PCDH15: variants seen among roughly 807,000 people sequenced by gnomAD.
The protein encoded by PCDH15 is protocadherin related 15.
PCDH15 carries 129 observed loss-of-function variants against 178.5 expected under a neutral mutation model. The ratio of observed to expected loss-of-function variants is 0.72; its 90% CI spans 0.63 to 0.84. The LOEUF (loss-of-function observed/expected upper bound fraction) is 0.84, where lower values mean the gene tolerates loss of function less well. PCDH15 is among the 40% of genes least tolerant of loss of function. PCDH15 has a pLI of 0.00. For missense variants in PCDH15, 2,230 were observed against 2,099.9 expected, an observed-to-expected ratio of 1.06 and a Z score of -1.21; for synonymous variants, 800 against 732.0, an observed-to-expected ratio of 1.09 and a Z score of -1.50.
At chr10:55,580,220 A>G (rs1165445604) in intron 2 of PCDH15, among the ~76,000 whole-genome samples, 1 of 151,806 alleles carries the variant, frequency 6.6e-6, no homozygotes, top group Non-Finnish European at 1.5e-5. Context: ...TATATACTTC[A>G]TTTTCTTAAC....
intron 16 of PCDH15, among the ~76,000 whole-genome samples, chr10:54,089,756 T>C (rs1181057646): frequency 6.6e-6 from 1 of 152,172 alleles, no homozygotes; most frequent in African/African-American, 2.4e-5. Context: ...TCCAATGAAA[T>C]GTTTCCACCT....
chr10:54,345,179 T>G (rs2153821), intron 6 of PCDH15, among the ~76,000 whole-genome samples: 49,480 of 151,414 alleles, frequency 0.33, 9,153 homozygotes, highest in African/African-American at 0.51. Flanking sequence ...TTTAACTGAT[T>G]TGTGAGGATA....
chr10:55,418,122 C>G (rs1022137500), intron 2 of PCDH15, among the ~76,000 whole-genome samples: 1 of 151,532 alleles, frequency 6.6e-6, no homozygotes, highest in Non-Finnish European at 1.5e-5. Context: ...AATCATAGAA[C>G]AGTACATGGT....
Position 53,886,933 on chromosome 10 carries a change from C to T in PCDH15, c.3501+16310G>A, listed in dbSNP as rs1024284943. ...TTGCCCATTTTGGGCTCTTTATCAA[C>T]GCCCTATATTATAAAACATCAGCAA... is the stretch of plus-strand genomic sequence containing the variant. On this transcript the variant is annotated intron_variant, in intron 26 of 37. Transcript: ENST00000644397. Among the ~76,000 whole-genome samples the T allele has an allele frequency of 1.2e-4, 18 of 152,080 alleles. 1 individual carries two copies. The South Asian group carries it at 1.4e-3, about 12-fold the overall frequency.
At chr10:54,741,643 G>A (rs1174545402) in intron 1 of PCDH15, among the ~76,000 whole-genome samples, 1 of 152,156 alleles carries the variant, frequency 6.6e-6, no homozygotes, top group East Asian at 1.9e-4. Context: ...TGTTTTATCT[G>A]TAGGCTTGAG....
At chr10:55,139,203 A>T (rs1052309272) in intron 2 of PCDH15, among the ~76,000 whole-genome samples, 1 of 151,902 alleles carries the variant, frequency 6.6e-6, no homozygotes, top group Non-Finnish European at 1.5e-5. Flanking sequence ...GTCTTTATAT[A>T]TTTTAGATAA....
chr10:54,042,741 C>G (rs1052213653), intron 18 of PCDH15, among the ~76,000 whole-genome samples: 4 of 152,088 alleles, frequency 2.6e-5, no homozygotes, highest in Non-Finnish European at 1.5e-5. Context: ...TGAGCATCCA[C>G]TGAAATGTCT....
At chr10:55,621,187 A>T (rs776409946) in intron 2 of PCDH15, among the ~76,000 whole-genome samples, 2 of 152,204 alleles carry the variant, frequency 1.3e-5, no homozygotes, top group African/African-American at 4.8e-5. Flanking sequence ...AATTTAACTT[A>T]TATGTTTTAG....
At chr10:54,335,362 G>A (rs1021559638) in intron 6 of PCDH15, among the ~76,000 whole-genome samples, 1 of 152,128 alleles carries the variant, frequency 6.6e-6, no homozygotes, top group Non-Finnish European at 1.5e-5. Context: ...CAAAGTGGTC[G>A]CATACTCTGT....
intron 2 of PCDH15, among the ~76,000 whole-genome samples, chr10:55,463,974 A>AAAGAAAGG: frequency 1.1e-4 from 2 of 17,548 alleles, no homozygotes; most frequent in Admixed American, 1.4e-3. Context: ...AGAAAGAAAG[A>AAAGAAAGG]GAAAGAAAGA....
At chr10:55,138,087 TAAG>T (rs1305479548) in intron 2 of PCDH15, among the ~76,000 whole-genome samples, 1 of 152,134 alleles carries the variant, frequency 6.6e-6, no homozygotes, top group Non-Finnish European at 1.5e-5. Context: ...AATTTGTAAA[TAAG>T]GAGGGTATTC....
chr10:55,044,526 T>G (rs1245800752), intron 2 of PCDH15, among the ~76,000 whole-genome samples: 1 of 152,134 alleles, frequency 6.6e-6, no homozygotes, highest in East Asian at 1.9e-4. Flanking sequence ...ACATATTATG[T>G]CAATTCATAG....
At chr10:54,005,151 A>G (rs1466669018) in intron 20 of PCDH15, among the ~76,000 whole-genome samples, 2 of 152,176 alleles carry the variant, frequency 1.3e-5, no homozygotes, top group Non-Finnish European at 2.9e-5. Context: ...TGCCATATAC[A>G]AAAATCAAAT....
At chr10:55,260,962 C>T (rs1450166823) in intron 1 of PCDH15, among the ~76,000 whole-genome samples, 3 of 152,032 alleles carry the variant, frequency 2.0e-5, no homozygotes. Context: ...TGGTGAAATC[C>T]TTTGGGCTTG....
At chr10:54,627,625 T>G (rs1216064643) in intron 2 of PCDH15, among the ~76,000 whole-genome samples, 3 of 152,182 alleles carry the variant, frequency 2.0e-5, no homozygotes, top group Non-Finnish European at 2.9e-5. Context: ...GGGTATGTCT[T>G]TATCAGCAGT....
chr10:54,738,654 CAAA>C (rs1033923058), intron 1 of PCDH15, among the ~76,000 whole-genome samples: 1 of 151,946 alleles, frequency 6.6e-6, no homozygotes, highest in Non-Finnish European at 1.5e-5. Context: ...CAAAAATCCT[CAAA>C]AAACACTAGC....
At chr10:55,106,227 C>T (rs1039285948) in intron 2 of PCDH15, among the ~76,000 whole-genome samples, 4 of 152,028 alleles carry the variant, frequency 2.6e-5, no homozygotes, top group Non-Finnish European at 5.9e-5. Flanking sequence ...TTGGAGTATA[C>T]ACATGGATAT....
At chr10:53,934,624 T>C (rs1195750061) in intron 25 of PCDH15, among the ~76,000 whole-genome samples, 1 of 151,260 alleles carries the variant, frequency 6.6e-6, no homozygotes, top group African/African-American at 2.4e-5. Flanking sequence ...CACACGGAGA[T>C]GTAACATGTT....
chr10:55,308,099 AT>A (rs1354116414), intron 1 of PCDH15, among the ~76,000 whole-genome samples: 1 of 152,168 alleles, frequency 6.6e-6, no homozygotes, highest in African/African-American at 2.4e-5. Flanking sequence ...TATAGAAAAC[AT>A]TTTTCTATTA....
Sources: allele counts gnomAD v4.1 joint callset (sites outside exome capture counted in the v4.1 genomes callset), GRCh38; gene constraint gnomAD v4.1.1; transcripts MANE v1.5; gene names NCBI Gene and HGNC (gene_info 2026-07-23, HGNC 2026-07-21).